The following DLG2 variants were observed in gnomAD, a reference collection of about 807,000 sequenced individuals.
DLG2 encodes discs large MAGUK scaffold protein 2, also known as disks large homolog 2.
A neutral mutation model predicts 132.5 loss-of-function variants in DLG2; 45 were observed. The ratio of observed to expected loss-of-function variants is 0.34; its 90% CI spans 0.27 to 0.44. The LOEUF is 0.44. DLG2 is among the 20% of genes least tolerant of loss of function. The pLI is 1.00. For missense variants in DLG2, 1,045 were observed against 1,196.9 expected (o/e 0.87, Z 1.87); for synonymous variants, 424 against 419.6 (o/e 1.01, Z -0.13).
At chr11:83,693,954 T>G (rs1391958210) in intron 18 of DLG2, 1 of 152,206 alleles carries the variant, frequency 6.6e-6, no homozygotes, top group Non-Finnish European at 1.5e-5. Context: ...CCAAAGGGCA[T>G]GTAAAATGAA....
At chr11:84,016,204 C>A (rs913127013) in intron 11 of DLG2, among the ~76,000 whole-genome samples, 1 of 151,866 alleles carries the variant, frequency 6.6e-6, no homozygotes, top group African/African-American at 2.4e-5. Context: ...CTGCTCATGT[C>A]CTTTGTCCAC....
chr11:85,028,422 G>A (rs1321172219), intron 6 of DLG2, among the ~76,000 whole-genome samples: 6 of 152,240 alleles, frequency 3.9e-5, no homozygotes, highest in South Asian at 2.1e-4. Flanking sequence ...AGGCTTCACC[G>A]GGAACCTACC....
At chr11:85,313,930 G>T (rs965693040) in intron 3 of DLG2, among the ~76,000 whole-genome samples, 5 of 151,886 alleles carry the variant, frequency 3.3e-5, no homozygotes, top group African/African-American at 1.2e-4. Context: ...GAAGTCAATA[G>T]AATTCCTGAA....
In DLG2 at chr11:85,160,533, AGACCT is replaced by A. The variant is rs540465594; in HGVS notation, c.187-5887_187-5883del. ...GACTATAGGTCATCAAGTTGCCATGAGACCTGAACTGCCTATCATGAACTAAATGC... is the reference window on the plus strand; with the variant it reads ...GACTATAGGTCATCAAGTTGCCATGAGAACTGCCTATCATGAACTAAATGC... On this transcript the variant is annotated intron_variant, in intron 4 of 27. Coordinates refer to ENST00000376104, the MANE Select transcript of DLG2 (RefSeq NM_001142699.3). Among the ~76,000 whole-genome samples, 46 of 152,328 alleles carry A rather than the reference AGACCT, an allele frequency of 3.0e-4. 1 individual carries two copies. In the South Asian group the frequency reaches 8.5e-3, roughly 28 times the overall value.
intron 8 of DLG2, among the ~76,000 whole-genome samples, chr11:84,220,111 T>C (rs2096893062): frequency 6.6e-6 from 1 of 152,208 alleles, no homozygotes; most frequent in African/African-American, 2.4e-5. Flanking sequence ...TCCACTCTCC[T>C]TAGTGTCTCT....
At chr11:83,636,336 T>G (rs980412735) in intron 18 of DLG2, among the ~76,000 whole-genome samples, 1 of 152,184 alleles carries the variant, frequency 6.6e-6, no homozygotes, top group Non-Finnish European at 1.5e-5. Flanking sequence ...GTGTCTGAGA[T>G]GCTCAATAAA....
At chr11:84,317,378 A>C (rs2098371825) in intron 7 of DLG2, 4 of 1,373,960 alleles carry the variant, frequency 2.9e-6, no homozygotes, top group Middle Eastern at 2.7e-4. Flanking sequence ...CTCAACTCAC[A>C]GAGCAACTTG....
chr11:83,941,023 T>G (rs543738387), intron 14 of DLG2, among the ~76,000 whole-genome samples: 59 of 152,352 alleles, frequency 3.9e-4, no homozygotes, highest in Admixed American at 1.8e-3. Context: ...CGATTCCCTC[T>G]TATGAGGACA....
chr11:84,020,915 T>G (rs1265515086), intron 11 of DLG2, among the ~76,000 whole-genome samples: 2 of 152,186 alleles, frequency 1.3e-5, no homozygotes, highest in Non-Finnish European at 2.9e-5. Context: ...TTTTTCACTA[T>G]GGATACTACT....
chr11:84,924,290 G>T (rs2092894716), intron 6 of DLG2, among the ~76,000 whole-genome samples: 1 of 152,118 alleles, frequency 6.6e-6, no homozygotes, highest in Non-Finnish European at 1.5e-5. Flanking sequence ...CTGGCAAAAT[G>T]CAAGCAGAAA....
At chr11:84,598,840 C>G (rs1323603345) in intron 6 of DLG2, among the ~76,000 whole-genome samples, 2 of 151,768 alleles carry the variant, frequency 1.3e-5, no homozygotes, top group East Asian at 3.9e-4. Flanking sequence ...ACCTGGGAGG[C>G]TGAAGGGGAA....
At chr11:85,020,711 G>T (rs1290356598) in intron 6 of DLG2, 3 of 561,544 alleles carry the variant, frequency 5.3e-6, no homozygotes, top group Non-Finnish European at 1.0e-5. Flanking sequence ...GGGAAAACTG[G>T]CTAGCCATAT....
At chr11:85,207,894 C>T (rs994062906) in intron 4 of DLG2, among the ~76,000 whole-genome samples, 1 of 151,680 alleles carries the variant, frequency 6.6e-6, no homozygotes, top group African/African-American at 2.4e-5. Flanking sequence ...ATGCCCTCTA[C>T]ATCTGGTAAA....
chr11:84,761,141 C>T (rs1280625604), intron 6 of DLG2, among the ~76,000 whole-genome samples: 1 of 152,164 alleles, frequency 6.6e-6, no homozygotes, highest in East Asian at 1.9e-4. Context: ...CTTGGTAACA[C>T]TGGGGTTGCA....
intron 6 of DLG2, among the ~76,000 whole-genome samples, chr11:84,725,934 T>G (rs932025247): frequency 2.6e-5 from 4 of 152,086 alleles, no homozygotes; most frequent in African/African-American, 9.7e-5. Flanking sequence ...ATTCTAAATC[T>G]TTAACCTTTC....
intron 6 of DLG2, among the ~76,000 whole-genome samples, chr11:84,956,636 G>A (rs1223271249): frequency 1.3e-5 from 2 of 152,042 alleles, no homozygotes; most frequent in African/African-American, 4.8e-5. Context: ...TAGTAGCCTT[G>A]GCCCTCTGCT....
At chr11:84,282,139 T>C (rs1038736949) in intron 7 of DLG2, among the ~76,000 whole-genome samples, 24 of 152,134 alleles carry the variant, frequency 1.6e-4, no homozygotes, top group African/African-American at 5.1e-4. Flanking sequence ...GATTAAACAA[T>C]TGTGGTATTT....
chr11:83,646,583 C>T (rs150639576), intron 18 of DLG2: 51 of 152,484 alleles, frequency 3.3e-4, no homozygotes, highest in African/African-American at 1.1e-3. Context: ...CATCCTTTCC[C>T]AACTCCTGAG....
chr11:83,745,018 A>C (rs2092799787), intron 18 of DLG2, among the ~76,000 whole-genome samples: 1 of 152,204 alleles, frequency 6.6e-6, no homozygotes, highest in African/African-American at 2.4e-5. Flanking sequence ...CAATACTCAT[A>C]CCTGTCATCA....
Sources: gnomAD v4.1 joint callset for allele counts (sites outside exome capture counted in the v4.1 genomes callset) on GRCh38, gnomAD v4.1.1 for gene constraint, MANE v1.5 for transcripts, NCBI Gene and HGNC (gene_info 2026-07-23, HGNC 2026-07-21) for gene names.